The following LPP variants were observed in gnomAD, a reference collection of about 807,000 sequenced individuals.
LPP encodes lipoma-preferred partner.
A neutral mutation model predicts 60.4 loss-of-function variants in LPP; 38 were observed. The observed-to-expected ratio is 0.63, with a 90% CI of 0.49 to 0.83. LPP has a LOEUF of 0.83. LPP is among the 40% of genes least tolerant of loss of function. The pLI is 0.00. For synonymous variants in LPP, 328 were observed against 290.8 expected (o/e 1.13, Z -1.30); for missense variants, 902 against 783.6 (o/e 1.15, Z -1.80).
intron 5 of LPP, among the ~76,000 whole-genome samples, chr3:188,504,079 G>A (rs148844229): frequency 8.0e-4 from 122 of 152,190 alleles, no homozygotes; most frequent in African/African-American, 2.8e-3. Context: ...TGCATACTTT[G>A]GTATAGTTGA....
chr3:188,235,422 A>G (rs1721543549), intron 2 of LPP, among the ~76,000 whole-genome samples: 1 of 152,052 alleles, frequency 6.6e-6, no homozygotes, highest in Non-Finnish European at 1.5e-5. Flanking sequence ...GCAGTTAGGT[A>G]TTTTCTATTT....
At chr3:188,700,710 G>A (rs529531079) in intron 7 of LPP, among the ~76,000 whole-genome samples, 5 of 152,294 alleles carry the variant, frequency 3.3e-5, no homozygotes, top group East Asian at 3.9e-4. Flanking sequence ...TGAAGTTCTG[G>A]ATGTTTCAGG....
In LPP at chr3:188,365,938, C is replaced by A. The variant is rs116422520; in HGVS notation, c.-10+24219C>A. Among the ~76,000 whole-genome samples, 595 of 152,232 alleles carry A rather than the reference C, an allele frequency of 3.9e-3. 9 individuals carry two copies. The highest frequency in any genetic ancestry group is 0.014 in the African/African-American group (580 of 41,526). ...TAAGATTTACTCTATTAGCAAATTTCAAGTGTACAATACAGTATTAACTAC... is the reference window on the plus strand; with the variant it reads ...TAAGATTTACTCTATTAGCAAATTTAAAGTGTACAATACAGTATTAACTAC... On this transcript the variant is annotated intron_variant, in intron 3 of 11. Transcript: ENST00000617246.
rs1412654477 is a variant in LPP at position 188,864,977 on chromosome 3, C to T, written c.1411-1223C>T. On this transcript the variant is annotated intron_variant, in intron 9 of 11. Transcript: ENST00000617246. ...TAGACATAAGGACACTAGTTACCTA[C>T]GTACAGACACTTCTTGCTTCATAGC... Among the ~76,000 whole-genome samples, 7 of 152,182 alleles carry T rather than the reference C, an allele frequency of 4.6e-5. No individual in the cohort carries two copies. The South Asian group carries it at 8.3e-4, about 18-fold the overall frequency.
At chr3:188,381,862 T>C (rs984554348) in intron 3 of LPP, among the ~76,000 whole-genome samples, 10 of 152,130 alleles carry the variant, frequency 6.6e-5, no homozygotes, top group African/African-American at 2.4e-4. Context: ...TCTTGCTCTA[T>C]TGCCCATGTT....
At chr3:188,455,803 A>G (rs569262116) in intron 4 of LPP, among the ~76,000 whole-genome samples, 1 of 152,318 alleles carries the variant, frequency 6.6e-6, no homozygotes, top group African/African-American at 2.4e-5. Context: ...TTAGGGAACA[A>G]AGAGAACTGT....
intron 4 of LPP, among the ~76,000 whole-genome samples, chr3:188,406,781 C>G (rs1377720335): frequency 6.6e-6 from 1 of 152,100 alleles, no homozygotes. Context: ...GTTTTTCTTC[C>G]CTTAGGCTGC....
chr3:188,658,941 C>A (rs1319583160), intron 7 of LPP, among the ~76,000 whole-genome samples: 2 of 152,080 alleles, frequency 1.3e-5, no homozygotes, highest in East Asian at 3.8e-4. Flanking sequence ...TTAAAAGCTG[C>A]AAAAATGGAT....
intron 3 of LPP, among the ~76,000 whole-genome samples, chr3:188,366,701 C>T (rs1259432048): frequency 1.3e-5 from 2 of 152,154 alleles, no homozygotes; most frequent in Admixed American, 6.5e-5. Flanking sequence ...TGAAGAGCCA[C>T]TGCTAAAATC....
At chr3:188,328,058 T>G (rs6800430) in intron 2 of LPP, among the ~76,000 whole-genome samples, 1 of 152,184 alleles carries the variant, frequency 6.6e-6, no homozygotes. Flanking sequence ...GAAAATCCAG[T>G]CTCTCACAGC....
intron 7 of LPP, among the ~76,000 whole-genome samples, chr3:188,623,406 C>T (rs1230853709): frequency 1.3e-5 from 2 of 151,926 alleles, no homozygotes; most frequent in African/African-American, 2.4e-5. Flanking sequence ...TACAAGCATG[C>T]GCCACCATAA....
intron 2 of LPP, among the ~76,000 whole-genome samples, chr3:188,284,624 T>C (rs1329809694): frequency 6.6e-6 from 1 of 152,182 alleles, no homozygotes; most frequent in Non-Finnish European, 1.5e-5. Flanking sequence ...TATGTGTGTA[T>C]GTGTACCCAC....
At chr3:188,730,879 C>T (rs1265568946) in intron 8 of LPP, among the ~76,000 whole-genome samples, 1 of 152,150 alleles carries the variant, frequency 6.6e-6, no homozygotes, top group Non-Finnish European at 1.5e-5. Context: ...CCTCTTTTTC[C>T]ATCCTCAAAG....
At chr3:188,834,332 T>TTG (rs1417866971) in intron 9 of LPP, among the ~76,000 whole-genome samples, 2 of 145,598 alleles carry the variant, frequency 1.4e-5, no homozygotes, top group South Asian at 2.2e-4. Context: ...GTGTTTTTTT[T>TTG]TTTTTTTTTT....
intron 8 of LPP, among the ~76,000 whole-genome samples, chr3:188,750,563 G>A (rs1727740426): frequency 6.6e-6 from 1 of 152,044 alleles, no homozygotes; most frequent in Non-Finnish European, 1.5e-5. Context: ...AACCTGGGAG[G>A]CAGAGGTTGC....
intron 9 of LPP, among the ~76,000 whole-genome samples, chr3:188,781,791 C>T (rs1213019688): frequency 2.7e-5 from 4 of 150,914 alleles, no homozygotes; most frequent in Non-Finnish European, 5.9e-5. Context: ...ACTCAGGAGG[C>T]TGAGGCAGGA....
At chr3:188,764,331 TA>T (rs1488019581) in intron 9 of LPP, among the ~76,000 whole-genome samples, 1 of 152,224 alleles carries the variant, frequency 6.6e-6, no homozygotes, top group Non-Finnish European at 1.5e-5. Flanking sequence ...AGATAAGGAA[TA>T]AGCAGTTGTG....
intron 8 of LPP, among the ~76,000 whole-genome samples, chr3:188,724,493 C>A (rs1346585129): frequency 2.0e-5 from 3 of 152,148 alleles, no homozygotes; most frequent in African/African-American, 7.2e-5. Flanking sequence ...ACAGGTACAC[C>A]ATCTCTTTGT....
At position 188,657,952 on chromosome 3, in the gene LPP, A is replaced by T. The variant is rs1247235344; in HGVS notation, c.1113+48108A>T. Among the ~76,000 whole-genome samples, 3 of 152,162 alleles carry T rather than the reference A, an allele frequency of 2.0e-5. No individual in the cohort carries two copies. The East Asian group carries it at 5.8e-4, about 29-fold the overall frequency. ...GACACATAAAAATACATAATGGTGC[A>T]GCTCAGATATGTGTCATCTTAATAT... On this transcript the variant is annotated intron_variant, in intron 7 of 11. Transcript: ENST00000617246.
Sources: gnomAD v4.1 joint callset for allele counts (sites outside exome capture counted in the v4.1 genomes callset) on GRCh38, gnomAD v4.1.1 for gene constraint, MANE v1.5 for transcripts, NCBI Gene and HGNC (gene_info 2026-07-23, HGNC 2026-07-21) for gene names.